The following C1orf50 variants were observed in gnomAD, a reference collection of about 807,000 sequenced individuals.
C1orf50 encodes chromosome 1 open reading frame 50, also known as uncharacterized protein C1orf50.
Under a neutral mutation model 23.3 loss-of-function variants are expected in C1orf50, and 22 were observed. That is an observed-to-expected ratio of 0.94 (90% CI 0.67 to 1.35). The LOEUF is 1.35. Among genes scored for constraint, C1orf50 ranks in the 40% most tolerant of loss-of-function variants. The probability of loss-of-function intolerance (pLI) is 0.00; values close to 1 mark genes in which losing one functional copy is unlikely to be tolerated. For synonymous variants in C1orf50, 96 were observed against 102.4 expected (o/e 0.94, Z 0.38); for missense variants, 271 against 249.4 (o/e 1.09, Z -0.58).
chr1:42,774,775 T>C lies in C1orf50; in HGVS notation c.321T>C (p.His107=), dbSNP rs868475525. The C allele has an allele frequency of 1.2e-5, 19 of 1,613,712 alleles. No homozygotes were observed. Among genetic ancestry groups the C allele is most frequent in the East Asian group, 2.2e-5 (1 of 44,874 alleles). ...CTCACAGAGATGCCAACCTGCACCA[T>C]GTAGCTTGTAATATAGTGAAAAAAC... ...EDAHRDANLH[H]VACNIVKKPG... Residue 107 remains histidine (H), a synonymous_variant, in exon 4 of 5, where the codon CAT becomes CAC. Transcript: ENST00000372525.
At chr1:42,769,225 G>A (rs1312989097) in intron 2 of C1orf50, among the ~76,000 whole-genome samples, 1 of 151,814 alleles carries the variant, frequency 6.6e-6, no homozygotes, top group East Asian at 1.9e-4. Flanking sequence ...TCCAGAATTG[G>A]TGACAGAGTG....
intron 2 of C1orf50, among the ~76,000 whole-genome samples, chr1:42,770,611 T>C (rs959707562): frequency 1.3e-5 from 2 of 152,204 alleles, no homozygotes; most frequent in Non-Finnish European, 2.9e-5. Flanking sequence ...TTTGTATTTT[T>C]AGTAGAGACA....
Position 42,779,033 on chromosome 1 carries a change from A to G in C1orf50, c.*3639A>G, listed in dbSNP as rs1653394864. 1 of 132,448 alleles carries G rather than the reference A, an allele frequency of 7.6e-6. No homozygotes were observed. The highest frequency in any genetic ancestry group is 2.8e-5 in the African/African-American group (1 of 35,852). The allele number at this position is 132,448 out of a possible 1,614,324, so 8.2% of individuals were successfully genotyped here. On this transcript the variant is annotated 3_prime_UTR_variant, in exon 5 of 5. Coordinates refer to ENST00000372525, the MANE Select transcript of C1orf50 (RefSeq NM_024097.4). ...CAAACTTGGACACTTCTAAAAGTCA[A>G]TGGCATGTCACAGTTTAAGTGGCAT...
chr1:42,774,323 GCTCAAGTGATC>G (rs1435735039), intron 3 of C1orf50, among the ~76,000 whole-genome samples: 2 of 151,892 alleles, frequency 1.3e-5, no homozygotes, highest in East Asian at 3.9e-4. Context: ...TGCCCCCTGG[GCTCAAGTGATC>G]CTCTAGCCTC....
Position 42,775,714 on chromosome 1 carries a change from A to C in C1orf50, c.*320A>C, listed in dbSNP as rs575564390. Reference sequence around the variant, plus strand: ...AAGTGTTAGAGAAGACCTTCTTCCCATAAAAAGGTTGGTGGATCGTTTTCC... The same window carrying C: ...AAGTGTTAGAGAAGACCTTCTTCCCCTAAAAAGGTTGGTGGATCGTTTTCC... On this transcript the variant is annotated 3_prime_UTR_variant, in exon 5 of 5. Coordinates refer to ENST00000372525, the MANE Select transcript of C1orf50 (RefSeq NM_024097.4). 1.8e-5 allele frequency: 3 copies of C among 167,040 alleles called. No homozygotes were observed. Among genetic ancestry groups the C allele is most frequent in the Non-Finnish European group, 2.5e-5 (2 of 78,822 alleles). 10.3% of individuals were successfully genotyped at this position (167,040 alleles called of 1,614,324 possible).
At chr1:42,775,023 C>T (rs1395058810) in intron 4 of C1orf50, among the ~76,000 whole-genome samples, 155 bp downstream of exon 4, 2 of 152,140 alleles carry the variant, frequency 1.3e-5, no homozygotes, top group Non-Finnish European at 2.9e-5. Flanking sequence ...TATACCTGTG[C>T]TTAAATTATT....
Position 42,777,809 on chromosome 1 carries a change from A to G in C1orf50, c.*2415A>G, listed in dbSNP as rs950473717. The G allele has an allele frequency of 6.6e-6, 1 of 152,106 alleles. No individual in the cohort carries two copies. Among genetic ancestry groups the G allele is most frequent in the Non-Finnish European group, 1.5e-5 (1 of 68,026 alleles). 9.4% of individuals were successfully genotyped at this position (152,106 alleles called of 1,614,324 possible). ...TAAGTGGTTAAGTGTGATGATGTCAAAGTCACAGATCTGCACTTGACTGTC... is the reference window on the plus strand; with the variant it reads ...TAAGTGGTTAAGTGTGATGATGTCAGAGTCACAGATCTGCACTTGACTGTC... On this transcript the variant is annotated 3_prime_UTR_variant, in exon 5 of 5. Coordinates refer to ENST00000372525, the MANE Select transcript of C1orf50 (RefSeq NM_024097.4).
intron 2 of C1orf50, among the ~76,000 whole-genome samples, chr1:42,771,714 A>G (rs1653224549): frequency 6.6e-6 from 1 of 152,248 alleles, no homozygotes; most frequent in Admixed American, 6.5e-5. Context: ...ACGGTGGCTC[A>G]TGCCTGTAAT....
At chr1:42,773,308 C>T (rs965363395) in intron 2 of C1orf50, 16 of 295,440 alleles carry the variant, frequency 5.4e-5, no homozygotes, top group South Asian at 1.7e-4. Flanking sequence ...CAGTTCATAG[C>T]GAAGGGGTGG....
Position 42,773,653 on chromosome 1 carries a change from A to G in C1orf50, c.282+4A>G, listed in dbSNP as rs748180664. ...TTTGCAAGAACAAGCCAGGAAGGTA[A>G]GGAATGACTGTTAGACAGGCTTTCA... On this transcript the variant is annotated splice_donor_region_variant and intron_variant, in intron 3 of 4. Coordinates refer to ENST00000372525, the MANE Select transcript of C1orf50 (RefSeq NM_024097.4). 1 of 1,597,558 alleles carries G rather than the reference A, an allele frequency of 6.3e-7. No homozygotes were observed. The highest frequency in any genetic ancestry group is 8.6e-7 in the Non-Finnish European group (1 of 1,165,508).
rs780733330 is a variant in C1orf50 at position 42,776,282 on chromosome 1, T to C, written c.*888T>C. 2.0e-5 allele frequency: 3 copies of C among 152,338 alleles called. No individual in the cohort carries two copies. The highest frequency in any genetic ancestry group is 7.2e-5 in the African/African-American group (3 of 41,580). The allele number at this position is 152,338 out of a possible 1,614,324, so 9.4% of individuals were successfully genotyped here. A position where few individuals can be genotyped will look rare whatever the true frequency, so the allele number is the denominator to read the frequency against. ...ATTGTTGACTGTGAGTTAACTCAGATTGAAATCCATTTTGACCAGAATTAT... is the reference window on the plus strand; with the variant it reads ...ATTGTTGACTGTGAGTTAACTCAGACTGAAATCCATTTTGACCAGAATTAT... On this transcript the variant is annotated 3_prime_UTR_variant, in exon 5 of 5. Transcript: ENST00000372525.
chr1:42,774,107 G>T (rs569432571), intron 3 of C1orf50, among the ~76,000 whole-genome samples: 64 of 152,284 alleles, frequency 4.2e-4, no homozygotes, highest in African/African-American at 1.5e-3. Context: ...CCAGGAGAAG[G>T]TTTCATGAGG....
chr1:42,771,917 G>T, intron 2 of C1orf50, among the ~76,000 whole-genome samples: 1 of 150,836 alleles, frequency 6.6e-6, no homozygotes, highest in East Asian at 1.9e-4. Flanking sequence ...GGCGGAGGTT[G>T]CAGTGAGCCT....
At chr1:42,770,176 G>A (rs958055151) in intron 2 of C1orf50, among the ~76,000 whole-genome samples, 13 of 151,924 alleles carry the variant, frequency 8.6e-5, no homozygotes, top group Non-Finnish European at 1.9e-4. Flanking sequence ...AGGCTCTTTT[G>A]TTTTTAAGTT....
rs1219603135 is a variant in C1orf50 at position 42,776,209 on chromosome 1, T to C, written c.*815T>C. ...ACCCATTTAAATGGCTACTTAACAC[T>C]GTGGAAGAGAGTAAGGCAGTAGAGT... On this transcript the variant is annotated 3_prime_UTR_variant, in exon 5 of 5. Transcript: ENST00000372525. 1 of 152,086 alleles carries C rather than the reference T, an allele frequency of 6.6e-6. No homozygotes were observed. Among genetic ancestry groups the C allele is most frequent in the African/African-American group, 2.4e-5 (1 of 41,396 alleles). 9.4% of individuals were successfully genotyped at this position (152,086 alleles called of 1,614,324 possible).
intron 2 of C1orf50, among the ~76,000 whole-genome samples, chr1:42,771,196 G>C (rs1269626636): frequency 1.3e-5 from 2 of 152,046 alleles, no homozygotes; most frequent in African/African-American, 4.8e-5. Flanking sequence ...TATAATATTA[G>C]CTTTAATCAT....
chr1:42,776,104 G>A lies in C1orf50; in HGVS notation c.*710G>A, dbSNP rs1363711611. 6.6e-6 allele frequency: 1 copy of A among 152,154 alleles called. No homozygotes were observed. The highest frequency in any genetic ancestry group is 1.5e-5 in the Non-Finnish European group (1 of 68,026). The allele number at this position is 152,154 out of a possible 1,614,324, so 9.4% of individuals were successfully genotyped here. ...TTTAGACTTGGAAGAGACATTGGAT[G>A]CTGCCACTAATCATTATAGAGTCCA... On this transcript the variant is annotated 3_prime_UTR_variant, in exon 5 of 5. Transcript: ENST00000372525.
chr1:42,779,045 A>G lies in C1orf50; in HGVS notation c.*3651A>G, dbSNP rs1470805947. ...CTTCTAAAAGTCAATGGCATGTCAC[A>G]GTTTAAGTGGCATTTTTTCTTTCTT... On this transcript the variant is annotated 3_prime_UTR_variant, in exon 5 of 5. Transcript: ENST00000372525. The G allele has an allele frequency of 7.6e-6, 1 of 131,898 alleles. No individual in the cohort carries two copies. The highest frequency in any genetic ancestry group is 1.6e-5 in the Non-Finnish European group (1 of 64,498). The allele number at this position is 131,898 out of a possible 1,614,324, so 8.2% of individuals were successfully genotyped here.
At chr1:42,771,253 G>T (rs1283291799) in intron 2 of C1orf50, among the ~76,000 whole-genome samples, 1 of 152,120 alleles carries the variant, frequency 6.6e-6, no homozygotes, top group Non-Finnish European at 1.5e-5. Context: ...GCTTTAGGTA[G>T]CCACTAGCAA....
Sources: allele counts gnomAD v4.1 joint callset (sites outside exome capture counted in the v4.1 genomes callset), GRCh38; gene constraint gnomAD v4.1.1; transcripts MANE v1.5; gene names NCBI Gene and HGNC (gene_info 2026-07-23, HGNC 2026-07-21).